FAM13A: variants seen among roughly 807,000 people sequenced by gnomAD.
FAM13A encodes the protein protein FAM13A.
A neutral mutation model predicts 129.6 loss-of-function variants in FAM13A; 76 were observed. The ratio of observed to expected loss-of-function variants is 0.59; its 90% CI spans 0.49 to 0.71. The LOEUF (loss-of-function observed/expected upper bound fraction) is 0.71. FAM13A is among the 30% of genes least tolerant of loss of function. The pLI, the probability that FAM13A is intolerant of heterozygous loss-of-function variation, is 0.00. For synonymous variants in FAM13A, 443 were observed against 449.9 expected, an observed-to-expected ratio of 0.98 and a Z score of 0.20; for missense variants, 1,108 against 1,249.3, an observed-to-expected ratio of 0.89 and a Z score of 1.70.
chr4:88,761,743 AT>A (rs142200064), intron 13 of FAM13A, among the ~76,000 whole-genome samples: 13,481 of 152,208 alleles, frequency 0.089, 764 homozygotes, highest in African/African-American at 0.14. Flanking sequence ...TTATATACTT[AT>A]ATATTCAATA....
At chr4:88,780,386 T>C (rs1722625010) in intron 11 of FAM13A, among the ~76,000 whole-genome samples, 1 of 152,178 alleles carries the variant, frequency 6.6e-6, no homozygotes, top group Non-Finnish European at 1.5e-5. Context: ...GGAGAGGATA[T>C]TGCCTATTTT....
At chr4:88,789,767 G>C (rs967375210) in intron 9 of FAM13A, among the ~76,000 whole-genome samples, 9 of 152,122 alleles carry the variant, frequency 5.9e-5, no homozygotes, top group Non-Finnish European at 1.2e-4. Context: ...AGTGAATATG[G>C]GTAGTTAGGA....
intron 2 of FAM13A, among the ~76,000 whole-genome samples, chr4:89,025,234 A>G (rs1767769660): frequency 7.3e-6 from 1 of 137,614 alleles, no homozygotes; most frequent in Admixed American, 7.6e-5. Context: ...AAGGTTAACC[A>G]TGGAATCATT....
chr4:89,035,907 T>C (rs1389801947), intron 1 of FAM13A, among the ~76,000 whole-genome samples: 1 of 152,162 alleles, frequency 6.6e-6, no homozygotes, highest in Non-Finnish European at 1.5e-5. Context: ...AATTATCCAG[T>C]CTCAGGTAAG....
chr4:89,015,197 G>A (rs781253691), intron 3 of FAM13A, among the ~76,000 whole-genome samples: 2 of 152,128 alleles, frequency 1.3e-5, no homozygotes, highest in African/African-American at 4.8e-5. Context: ...TGTTACCAAC[G>A]ACAATGTGTG....
chr4:89,022,056 C>T lies in FAM13A; in HGVS notation c.218-1387G>A, dbSNP rs539312241. On this transcript the variant is annotated intron_variant, in intron 2 of 23. Coordinates refer to ENST00000264344, the MANE Select transcript of FAM13A (RefSeq NM_014883.4). ...TAAGAAAGAGCAGGCCAGGATTTAACGTGACATTCTTGAGAGTCTAATGGT... is the reference window on the plus strand; with the variant it reads ...TAAGAAAGAGCAGGCCAGGATTTAATGTGACATTCTTGAGAGTCTAATGGT... 6.6e-5 allele frequency among the ~76,000 whole-genome samples: 10 copies of T among 152,194 alleles called. No homozygotes were observed. In the South Asian group the frequency reaches 1.9e-3, roughly 28 times the overall value.
intron 6 of FAM13A, among the ~76,000 whole-genome samples, chr4:88,878,858 G>A (rs1255881974): frequency 6.6e-6 from 1 of 152,172 alleles, no homozygotes; most frequent in Non-Finnish European, 1.5e-5. Flanking sequence ...AACTTATGGA[G>A]CCTGATAGTA....
intron 4 of FAM13A, among the ~76,000 whole-genome samples, chr4:88,955,805 TGA>T (rs201958142): frequency 0.01 from 1,555 of 152,158 alleles, 17 homozygotes; most frequent in Non-Finnish European, 0.013. Flanking sequence ...GCTTTGAACT[TGA>T]GAGAGATGGT....
At chr4:88,896,579 G>A (rs1422383580) in intron 6 of FAM13A, among the ~76,000 whole-genome samples, 1 of 152,100 alleles carries the variant, frequency 6.6e-6, no homozygotes, top group Non-Finnish European at 1.5e-5. Context: ...AAAAATAACT[G>A]TGACATGTCA....
At chr4:88,767,154 A>T (rs1270343413) in intron 13 of FAM13A, among the ~76,000 whole-genome samples, 1 of 152,222 alleles carries the variant, frequency 6.6e-6, no homozygotes, top group Non-Finnish European at 1.5e-5. Flanking sequence ...AAGTAACTCA[A>T]AGTGAATTTT....
chr4:88,882,811 G>T (rs563903677), intron 6 of FAM13A, among the ~76,000 whole-genome samples: 1 of 152,114 alleles, frequency 6.6e-6, no homozygotes, highest in South Asian at 2.1e-4. Context: ...TAATGTAAAG[G>T]GTTGGAAAAA....
At chr4:88,811,291 C>T (rs1168538141) in intron 7 of FAM13A, among the ~76,000 whole-genome samples, 1 of 152,116 alleles carries the variant, frequency 6.6e-6, no homozygotes, top group African/African-American at 2.4e-5. Flanking sequence ...TCCCTAGTTA[C>T]ACCACAGGAC....
chr4:88,772,400 C>A (rs542626715), intron 11 of FAM13A, among the ~76,000 whole-genome samples: 6 of 152,266 alleles, frequency 3.9e-5, no homozygotes, highest in Admixed American at 3.9e-4. Context: ...CACCCAAACC[C>A]ATGCTACACT....
intron 1 of FAM13A, among the ~76,000 whole-genome samples, chr4:89,052,543 A>C (rs1771742140): frequency 7.0e-6 from 1 of 142,670 alleles, no homozygotes; most frequent in African/African-American, 2.6e-5. Context: ...CTCTTCCTTC[A>C]AGGAACTTGC....
intron 7 of FAM13A, among the ~76,000 whole-genome samples, chr4:88,810,428 T>G (rs1329655095): frequency 6.6e-6 from 1 of 152,136 alleles, no homozygotes; most frequent in East Asian, 1.9e-4. Flanking sequence ...CTGAATCTAA[T>G]ATGACTAATG....
At chr4:88,862,415 G>C (rs1167048485) in intron 6 of FAM13A, among the ~76,000 whole-genome samples, 9 of 152,152 alleles carry the variant, frequency 5.9e-5, no homozygotes, top group Non-Finnish European at 1.3e-4. Flanking sequence ...AGAGATGGTG[G>C]CAAGAGTTGG....
intron 4 of FAM13A, among the ~76,000 whole-genome samples, chr4:88,978,788 C>T (rs1360502265): frequency 2.7e-5 from 4 of 150,794 alleles, no homozygotes; most frequent in African/African-American, 9.8e-5. Context: ...GGCGAGACTC[C>T]GTCTCAAAAA....
At chr4:89,056,798 G>C (rs1244745464) in intron 1 of FAM13A, 140 bp downstream of exon 1, 1 of 787,166 alleles carries the variant, frequency 1.3e-6, no homozygotes, top group Middle Eastern at 2.4e-4. Flanking sequence ...TAAGTAGATA[G>C]GAATTTAAGT....
At chr4:88,741,132 C>G (rs1009509922) in intron 19 of FAM13A, among the ~76,000 whole-genome samples, 1 of 152,204 alleles carries the variant, frequency 6.6e-6, no homozygotes, top group South Asian at 2.1e-4. Flanking sequence ...AACTTATGAT[C>G]CATCAATTCC....
Sources: allele counts gnomAD v4.1 joint callset (sites outside exome capture counted in the v4.1 genomes callset), GRCh38; gene constraint gnomAD v4.1.1; transcripts MANE v1.5; gene names NCBI Gene and HGNC (gene_info 2026-07-23, HGNC 2026-07-21).